NHSL1: variants seen among roughly 807,000 people sequenced by gnomAD.
NHSL1 encodes the protein NHS like 1.
A neutral mutation model predicts 95.0 loss-of-function variants in NHSL1; 48 were observed. That is an observed-to-expected ratio of 0.51 (90% confidence interval 0.40 to 0.64). The LOEUF is 0.64. NHSL1 is among the 30% of genes least tolerant of loss of function. The pLI is 0.00. For synonymous variants in NHSL1, 783 were observed against 833.9 expected, an observed-to-expected ratio of 0.94 and a Z score of 1.05; for missense variants, 1,971 against 2,077.7, an observed-to-expected ratio of 0.95 and a Z score of 1.00.
chr6:138,654,058 A>G (rs748429958), intron 1 of NHSL1, among the ~76,000 whole-genome samples: 4 of 152,228 alleles, frequency 2.6e-5, no homozygotes, highest in Non-Finnish European at 5.9e-5. Flanking sequence ...AGATGGGACT[A>G]AAAAGACACT....
intron 1 of NHSL1, among the ~76,000 whole-genome samples, chr6:138,520,464 A>G (rs1443851384): frequency 6.6e-6 from 1 of 151,522 alleles, no homozygotes; most frequent in Non-Finnish European, 1.5e-5. Context: ...TAATTTTTGT[A>G]TTTTTAGTAG....
In NHSL1 at chr6:138,423,060, C is replaced by T. The variant is rs971361341; in HGVS notation, c.*1021G>A. 1 of 115,504 alleles carries T rather than the reference C, an allele frequency of 8.7e-6. No homozygotes were observed. Among genetic ancestry groups the T allele is most frequent in the African/African-American group, 3.4e-5 (1 of 29,528 alleles). The allele number at this position is 115,504 out of a possible 1,614,324, so 7.2% of individuals were successfully genotyped here. A position where few individuals can be genotyped will look rare whatever the true frequency, so the allele number is the denominator to read the frequency against. ...TAGCAAATGTTGACATTTCAAGTGA[C>T]AGGAAATTGCCTAATGGAAGTTTAA... On this transcript the variant is annotated 3_prime_UTR_variant, in exon 8 of 8. Coordinates refer to ENST00000343505, the MANE Select transcript of NHSL1 (RefSeq NM_001144060.2).
intron 1 of NHSL1, among the ~76,000 whole-genome samples, chr6:138,635,512 T>C (rs745402025): frequency 2.0e-5 from 3 of 151,992 alleles, no homozygotes; most frequent in Non-Finnish European, 2.9e-5. Context: ...AACAGACCAA[T>C]AGAAGTAATG....
chr6:138,647,760 G>C (rs1244391567), intron 1 of NHSL1, among the ~76,000 whole-genome samples: 1 of 151,862 alleles, frequency 6.6e-6, no homozygotes, highest in Non-Finnish European at 1.5e-5. Context: ...GCCATGCCCG[G>C]CTAATTTTAG....
At chr6:138,525,364 T>TA (rs1363724497) in intron 1 of NHSL1, among the ~76,000 whole-genome samples, 1 of 151,242 alleles carries the variant, frequency 6.6e-6, no homozygotes, top group East Asian at 2.0e-4. Context: ...TCTCTCTCTA[T>TA]AAAAAAATTA....
intron 1 of NHSL1, among the ~76,000 whole-genome samples, chr6:138,582,884 T>C (rs1459046732): frequency 6.6e-6 from 1 of 152,152 alleles, no homozygotes; most frequent in African/African-American, 2.4e-5. Context: ...AAGCAAATGT[T>C]TATTGGGTCC....
chr6:138,666,651 G>A (rs1342629771), intron 1 of NHSL1, among the ~76,000 whole-genome samples: 1 of 149,986 alleles, frequency 6.7e-6, no homozygotes, highest in Non-Finnish European at 1.5e-5. Context: ...ATGGAAAACT[G>A]TGAGACATAT....
At chr6:138,555,416 A>C (rs1310917224) in intron 1 of NHSL1, among the ~76,000 whole-genome samples, 1 of 152,202 alleles carries the variant, frequency 6.6e-6, no homozygotes. Flanking sequence ...CTAAGTTTAA[A>C]GTTTTAAAAT....
chr6:138,429,893 A>C, intron 6 of NHSL1, 50 bp from the exon 7 acceptor site: 1 of 1,520,920 alleles, frequency 6.6e-7, no homozygotes, highest in Non-Finnish European at 8.8e-7. Flanking sequence ...CTGGAATTTC[A>C]GTCCTCAGCC....
At chr6:138,493,134 G>T (rs1780168663) in intron 2 of NHSL1, among the ~76,000 whole-genome samples, 1 of 152,126 alleles carries the variant, frequency 6.6e-6, no homozygotes, top group African/African-American at 2.4e-5. Context: ...GAGAACAAAA[G>T]AACTCAGATA....
chr6:138,669,567 C>T (rs191531177), intron 1 of NHSL1, among the ~76,000 whole-genome samples: 1 of 152,156 alleles, frequency 6.6e-6, no homozygotes, highest in Non-Finnish European at 1.5e-5. Flanking sequence ...TTCCTAGCCA[C>T]GAGTGGCCAC....
chr6:138,660,858 C>T (rs1217192427), intron 1 of NHSL1, among the ~76,000 whole-genome samples: 3 of 151,672 alleles, frequency 2.0e-5, no homozygotes, highest in African/African-American at 2.4e-5. Flanking sequence ...CTTTGGGAGG[C>T]TGAGGCTGGT....
chr6:138,668,626 C>CT (rs1231203513), intron 1 of NHSL1, among the ~76,000 whole-genome samples: 10,685 of 130,378 alleles, frequency 0.082, 588 homozygotes, highest in African/African-American at 0.14. Context: ...ATTTTTTTTT[C>CT]TTTTTTTTTT....
Position 138,429,752 on chromosome 6 carries a change from A to T in NHSL1, c.4044T>A (p.Ser1348Arg). 1 of 1,551,970 alleles carries T rather than the reference A, an allele frequency of 6.4e-7. No homozygotes were observed. The highest frequency in any genetic ancestry group is 8.7e-7 in the Non-Finnish European group (1 of 1,147,048). Residue 1348 changes from serine to arginine, a missense_variant, in exon 7 of 8, where the codon AGT becomes AGA. By Grantham distance (110) the Ser-to-Arg change is moderately radical. Transcript: ENST00000343505. ...AAAGGTCTTCTGTGGTCCTGGGTCG[A>T]CTGGGGGTCATTACCTCATCATTCC... ...EDGNDEVMTP[S>R]RPRTTEDLFA... is the part of the protein sequence containing the mutation.
chr6:138,596,130 G>T (rs750834333), intron 1 of NHSL1, among the ~76,000 whole-genome samples: 86 of 152,140 alleles, frequency 5.7e-4, no homozygotes, highest in Non-Finnish European at 1.0e-3. Flanking sequence ...AGTAGTCAAT[G>T]GTCGATCCAA....
Position 138,460,024 on chromosome 6 carries a change from G to A in NHSL1, c.340-12831C>T, listed in dbSNP as rs76835199. On this transcript the variant is annotated intron_variant, in intron 3 of 7. Coordinates refer to ENST00000343505, the MANE Select transcript of NHSL1 (RefSeq NM_001144060.2). Reference sequence around the variant, plus strand: ...GACTGGCCAGTTAATTTTCTGCTTTGTACAGTCTTTGCCAGGTTTTGGCAT... The same window carrying A: ...GACTGGCCAGTTAATTTTCTGCTTTATACAGTCTTTGCCAGGTTTTGGCAT... 4.7e-3 allele frequency among the ~76,000 whole-genome samples: 710 copies of A among 152,174 alleles called. 11 individuals are homozygous for A. Among genetic ancestry groups the A allele is most frequent in the Admixed American group, 0.029 (444 of 15,268 alleles).
chr6:138,650,365 G>C (rs1050564773), intron 1 of NHSL1: 15 of 1,294,398 alleles, frequency 1.2e-5, no homozygotes, highest in Non-Finnish European at 1.4e-5. Context: ...CCAGCCTGCA[G>C]CCCACAGTTG....
At chr6:138,578,365 C>T (rs544560114) in intron 1 of NHSL1, among the ~76,000 whole-genome samples, 46 of 152,224 alleles carry the variant, frequency 3.0e-4, no homozygotes, top group African/African-American at 1.1e-3. Context: ...CAAAGGATGT[C>T]GCTGGTAAAG....
intron 1 of NHSL1, among the ~76,000 whole-genome samples, chr6:138,563,617 C>A (rs1288115497): frequency 1.3e-5 from 2 of 152,152 alleles, no homozygotes; most frequent in Admixed American, 1.3e-4. Flanking sequence ...AACAAACATT[C>A]ATTTATTCAA....
Sources: gnomAD v4.1 joint callset for allele counts (sites outside exome capture counted in the v4.1 genomes callset) on GRCh38, gnomAD v4.1.1 for gene constraint, MANE v1.5 for transcripts, NCBI Gene and HGNC (gene_info 2026-07-23, HGNC 2026-07-21) for gene names.